ZDHHC21: variants seen among roughly 807,000 people sequenced by gnomAD.
ZDHHC21 encodes palmitoyltransferase ZDHHC21.
In ZDHHC21, 15 loss-of-function variants were observed where a neutral mutation model predicts 34.6. The observed-to-expected ratio is 0.43, with a 90% CI of 0.29 to 0.67. ZDHHC21 has a LOEUF of 0.67. Ranked by LOEUF, ZDHHC21 falls within the 30% of genes least tolerant of loss-of-function variation. The pLI is 0.14. For missense variants in ZDHHC21, 344 were observed against 327.7 expected, an observed-to-expected ratio of 1.05 and a Z score of -0.38; for synonymous variants, 142 against 101.8, an observed-to-expected ratio of 1.40 and a Z score of -2.38.
chr9:14,645,385 A>T (rs1830112283), intron 7 of ZDHHC21, among the ~76,000 whole-genome samples: 2 of 152,078 alleles, frequency 1.3e-5, no homozygotes, highest in South Asian at 4.1e-4. Context: ...ATGGTGCTAA[A>T]TCAATTGACT....
At chr9:14,624,662 G>C (rs1487807205) in intron 8 of ZDHHC21, among the ~76,000 whole-genome samples, 1 of 151,948 alleles carries the variant, frequency 6.6e-6, no homozygotes, top group Non-Finnish European at 1.5e-5. Flanking sequence ...AGAAGTGAAG[G>C]ATGGGGAAGA....
intron 8 of ZDHHC21, among the ~76,000 whole-genome samples, chr9:14,623,999 C>G (rs1313867385): frequency 6.6e-6 from 1 of 152,180 alleles, no homozygotes; most frequent in Admixed American, 6.5e-5. Context: ...TATGATCCAG[C>G]AATCACAGCA....
chr9:14,603,836 G>C, the ZDHHC21 span, among the ~76,000 whole-genome samples: 2 of 152,164 alleles, frequency 1.3e-5, no homozygotes, highest in Non-Finnish European at 2.9e-5. Context: ...ATTCAGTAAT[G>C]TGGTTTATCT....
chr9:14,591,427 A>C, the ZDHHC21 span, among the ~76,000 whole-genome samples: 3 of 152,078 alleles, frequency 2.0e-5, no homozygotes, highest in African/African-American at 7.2e-5. Context: ...TCAAACACTG[A>C]ATCTGCTGGA....
Position 14,614,285 on chromosome 9 carries a change from T to C in ZDHHC21, c.*4681A>G, listed in dbSNP as rs1156991290. The C allele has an allele frequency of 8.5e-6, 1 of 117,598 alleles. No individual in the cohort carries two copies. The highest frequency in any genetic ancestry group is 1.8e-5 in the Non-Finnish European group (1 of 56,770). 7.3% of individuals were successfully genotyped at this position (117,598 alleles called of 1,614,324 possible). On this transcript the variant is annotated 3_prime_UTR_variant, in exon 10 of 10. Transcript: ENST00000380916. Reference sequence around the variant, plus strand: ...TAAAAAATATAATGATAATGGAAAGTATCAGTAATATCAATGACTTTTTAA... The same window carrying C: ...TAAAAAATATAATGATAATGGAAAGCATCAGTAATATCAATGACTTTTTAA...
At chr9:14,674,113 A>G in intron 4 of ZDHHC21, 74 bp downstream of exon 4, 1 of 937,538 alleles carries the variant, frequency 1.1e-6, no homozygotes. Flanking sequence ...AAGTTATCAT[A>G]GTGGCACTAC....
chr9:14,649,485 C>T lies in ZDHHC21; in HGVS notation c.504+9264G>A, dbSNP rs542944967. Among the ~76,000 whole-genome samples, 5 of 152,052 alleles carry T rather than the reference C, an allele frequency of 3.3e-5. No individual in the cohort carries two copies. In the South Asian group the frequency reaches 1.0e-3, roughly 32 times the overall value. The stretch of plus-strand genomic sequence containing the variant: ...GAGCACTTTTTGGAATGACCCTTAG[C>T]TAAAGTTTATTATATTCTAAAACAT... On this transcript the variant is annotated intron_variant, in intron 7 of 9. Coordinates refer to ENST00000380916, the MANE Select transcript of ZDHHC21 (RefSeq NM_178566.6).
Position 14,645,289 on chromosome 9 carries a change from C to A in ZDHHC21, c.505-5277G>T, listed in dbSNP as rs981559690. ...ATAGATCAACAGACTAGAAAAGAAACAGAAACAGACACACACACATATGAA... is the reference window on the plus strand; with the variant it reads ...ATAGATCAACAGACTAGAAAAGAAAAAGAAACAGACACACACACATATGAA... On this transcript the variant is annotated intron_variant, in intron 7 of 9. Transcript: ENST00000380916. Among the ~76,000 whole-genome samples the A allele has an allele frequency of 6.3e-4, 95 of 151,864 alleles. 2 individuals carry two copies. Among genetic ancestry groups the A allele is most frequent in the Admixed American group, 5.3e-3 (81 of 15,234 alleles).
intron 2 of ZDHHC21, among the ~76,000 whole-genome samples, chr9:14,689,930 G>A (rs182789894): frequency 6.6e-6 from 1 of 152,082 alleles, no homozygotes. Context: ...GGGGTGATAC[G>A]AATTAAAGAC....
In ZDHHC21 at chr9:14,691,079, C is replaced by T. The variant is rs568881295; in HGVS notation, c.-224-694G>A. On this transcript the variant is annotated intron_variant, in intron 1 of 9. Transcript: ENST00000380916. ...CCTCTTTTGCCTGGTAGTATTGATA[C>T]TGCCACTGTGTCACCTCCTATGCTA... Among the ~76,000 whole-genome samples the T allele has an allele frequency of 2.0e-5, 3 of 152,298 alleles. No individual in the cohort carries two copies. The East Asian group carries it at 5.8e-4, about 29-fold the overall frequency.
intron 7 of ZDHHC21, among the ~76,000 whole-genome samples, chr9:14,649,601 C>T (rs1040976284): frequency 6.6e-6 from 1 of 152,060 alleles, no homozygotes; most frequent in Non-Finnish European, 1.5e-5. Context: ...AGTCTTATTA[C>T]ATCCTAATGG....
intron 2 of ZDHHC21, chr9:14,683,812 G>C (rs1837801259): frequency 1.3e-5 from 2 of 152,106 alleles, no homozygotes; most frequent in African/African-American, 4.8e-5. Context: ...GTAAAATACT[G>C]GCAAACCGAA....
intron 5 of ZDHHC21, among the ~76,000 whole-genome samples, chr9:14,664,215 G>T (rs541783783): frequency 2.6e-5 from 4 of 152,204 alleles, no homozygotes; most frequent in South Asian, 2.1e-4. Flanking sequence ...AGGGGTCAGG[G>T]AGTTCCCTTT....
Position 14,640,019 on chromosome 9 carries a change from A to G in ZDHHC21, c.505-7T>C, listed in dbSNP as rs1829045210. The G allele has an allele frequency of 3.2e-6, 5 of 1,555,590 alleles. No homozygotes were observed. The highest frequency in any genetic ancestry group is 4.4e-6 in the Non-Finnish European group (5 of 1,138,890). On this transcript the variant is annotated splice_polypyrimidine_tract_variant and splice_region_variant and intron_variant, in intron 7 of 9. Coordinates refer to ENST00000380916, the MANE Select transcript of ZDHHC21 (RefSeq NM_178566.6). ...GTCTAAAAACAAAGAGGTCCTAAAA[A>G]GAAAAAGAAAGTCTTAAAAACCATT...
In ZDHHC21 at chr9:14,641,032, G is replaced by A. The variant is rs1003169560; in HGVS notation, c.505-1020C>T. On this transcript the variant is annotated intron_variant, in intron 7 of 9. Transcript: ENST00000380916. Reference sequence around the variant, plus strand: ...ATAAAAGCACCAAGTGGATGGAAAGGACACCCAAACACAACCACCCACATG... The same window carrying A: ...ATAAAAGCACCAAGTGGATGGAAAGAACACCCAAACACAACCACCCACATG... 2.8e-4 allele frequency among the ~76,000 whole-genome samples: 42 copies of A among 152,090 alleles called. 3 individuals carry two copies. Among genetic ancestry groups the A allele is most frequent in the South Asian group, 2.1e-4 (1 of 4,826 alleles).
At chr9:14,622,408 G>T (rs146186133) in intron 8 of ZDHHC21, 7 of 324,846 alleles carry the variant, frequency 2.2e-5, no homozygotes, top group East Asian at 1.7e-4. Context: ...TACCTGGAAT[G>T]GGGGGGCGGG....
intron 7 of ZDHHC21, among the ~76,000 whole-genome samples, chr9:14,654,392 C>T (rs538337068): frequency 5.3e-5 from 2 of 37,618 alleles, no homozygotes; most frequent in African/African-American, 2.0e-4. Context: ...TCTCTTATAT[C>T]CTATCAAAAA....
chr9:14,609,637 C>A (rs1823137555), downstream of ZDHHC21, among the ~76,000 whole-genome samples: 1 of 151,932 alleles, frequency 6.6e-6, no homozygotes, highest in Non-Finnish European at 1.5e-5. Flanking sequence ...TGGCTAAAAG[C>A]AATACTTACT....
intron 3 of ZDHHC21, chr9:14,677,583 G>T (rs1836653664): frequency 6.6e-6 from 1 of 152,014 alleles, no homozygotes; most frequent in South Asian, 2.1e-4. Flanking sequence ...ATACTAATTT[G>T]TATATTAAAT....
Sources: gnomAD v4.1 joint callset for allele counts (sites outside exome capture counted in the v4.1 genomes callset) on GRCh38, gnomAD v4.1.1 for gene constraint, MANE v1.5 for transcripts, NCBI Gene and HGNC (gene_info 2026-07-23, HGNC 2026-07-21) for gene names.